The following MYOM1 variants were observed in gnomAD, a reference collection of about 807,000 sequenced individuals.
The protein encoded by MYOM1 is myomesin-1.
Under a neutral mutation model 205.3 loss-of-function variants are expected in MYOM1, and 164 were observed. The ratio of observed to expected loss-of-function variants is 0.80; its 90% CI spans 0.70 to 0.91. MYOM1 has a LOEUF of 0.91. MYOM1 is among the 40% of genes least tolerant of loss of function. The pLI, the probability that MYOM1 is intolerant of heterozygous loss-of-function variation, is 0.00. For missense variants in MYOM1, 2,011 were observed against 2,127.3 expected (o/e 0.95, Z 1.08); for synonymous variants, 772 against 789.4 (o/e 0.98, Z 0.37).
At chr18:3,197,728 C>G (rs1392108134) in intron 2 of MYOM1, among the ~76,000 whole-genome samples, 1 of 151,754 alleles carries the variant, frequency 6.6e-6, no homozygotes, top group Non-Finnish European at 1.5e-5. Flanking sequence ...AAAAAATTAG[C>G]TGGGCATGGT....
intron 14 of MYOM1, among the ~76,000 whole-genome samples, chr18:3,137,488 C>A (rs1186695915): frequency 6.6e-6 from 1 of 151,928 alleles, no homozygotes; most frequent in Non-Finnish European, 1.5e-5. Flanking sequence ...GTTATTCAGC[C>A]ACAAAAAAGA....
At chr18:3,151,464 AAAATAAAAT>A (rs869201434) in intron 12 of MYOM1, among the ~76,000 whole-genome samples, 10 of 134,728 alleles carry the variant, frequency 7.4e-5, no homozygotes, top group Non-Finnish European at 1.6e-4. Flanking sequence ...ATAATAAAAT[AAAATAAAAT>A]AAATAAAATA....
intron 21 of MYOM1, 106 bp from the exon 22 acceptor site, chr18:3,112,518 T>C: frequency 4.1e-6 from 3 of 734,676 alleles, no homozygotes; most frequent in South Asian, 2.6e-5. Flanking sequence ...TTTAGTGACC[T>C]AGCACCAGGG....
intron 13 of MYOM1, among the ~76,000 whole-genome samples, chr18:3,142,444 T>A (rs559736858): frequency 4.6e-5 from 7 of 151,748 alleles, no homozygotes; most frequent in Middle Eastern, 3.4e-3. Context: ...AAAAAAATAT[T>A]TTTTTTTGTA....
At chr18:3,144,885 C>T (rs1234087689) in intron 13 of MYOM1, among the ~76,000 whole-genome samples, 2 of 152,214 alleles carry the variant, frequency 1.3e-5, no homozygotes, top group Admixed American at 6.5e-5. Context: ...TATTTCATCA[C>T]TACTCTCTCA....
intron 2 of MYOM1, among the ~76,000 whole-genome samples, chr18:3,198,862 T>C (rs529589684): frequency 3.3e-5 from 5 of 151,880 alleles, no homozygotes; most frequent in Non-Finnish European, 4.4e-5. Context: ...TGGTTTCACA[T>C]CAGAATCAGC....
intron 10 of MYOM1, among the ~76,000 whole-genome samples, chr18:3,157,449 G>A (rs2144020202): frequency 1.3e-5 from 2 of 152,048 alleles, no homozygotes; most frequent in Middle Eastern, 3.4e-3. Context: ...CTAGCACTTT[G>A]GGTAGATCAC....
intron 19 of MYOM1, among the ~76,000 whole-genome samples, chr18:3,121,927 T>C (rs1400763723): frequency 6.6e-6 from 1 of 152,212 alleles, no homozygotes; most frequent in African/African-American, 2.4e-5. Context: ...GAGACCAGCC[T>C]GGCCAACATG....
At chr18:3,205,947 C>T (rs2081118967) in intron 2 of MYOM1, among the ~76,000 whole-genome samples, 2 of 152,136 alleles carry the variant, frequency 1.3e-5, no homozygotes, top group South Asian at 2.1e-4. Flanking sequence ...ATGTAAAACC[C>T]TTGTCTTCTG....
In MYOM1 at chr18:3,135,762, C is replaced by T. The variant is rs1357122608; in HGVS notation, c.2026-32G>A. 1.9e-6 allele frequency: 3 copies of T among 1,610,238 alleles called. No individual in the cohort carries two copies. Among genetic ancestry groups the T allele is most frequent in the Non-Finnish European group, 2.5e-6 (3 of 1,177,620 alleles). ...CAAGAACAGGGAAACCCATTGAAAG[C>T]ACAGCAAACACAAGCGAGAATCCAG... is the stretch of plus-strand genomic sequence containing the variant. On this transcript the variant is annotated intron_variant, in intron 14 of 37. Transcript: ENST00000356443. This position sits in a 1 kb window ranked among gnomAD's most constrained non-coding sequence, Gnocchi z 4.1.
intron 12 of MYOM1, among the ~76,000 whole-genome samples, chr18:3,149,671 C>T (rs1053600547): frequency 2.6e-5 from 4 of 152,098 alleles, no homozygotes; most frequent in African/African-American, 9.7e-5. Context: ...GCAAATTTTT[C>T]CCATTATATT....
intron 13 of MYOM1, among the ~76,000 whole-genome samples, chr18:3,148,728 C>G (rs1203128191): frequency 6.6e-6 from 1 of 150,876 alleles, no homozygotes; most frequent in Non-Finnish European, 1.5e-5. Context: ...CGCCTGTAGT[C>G]CCAGCTGCTC....
In MYOM1 at chr18:3,115,080, A is replaced by G. The variant is rs147336095; in HGVS notation, c.3303+1251T>C. On this transcript the variant is annotated intron_variant, in intron 21 of 37. Coordinates refer to ENST00000356443, the MANE Select transcript of MYOM1 (RefSeq NM_003803.4). ...TTGGAAATCTTCATCCCAGCCATAT[A>G]CACCCACCACCATCATCTAGGATGT... Among the ~76,000 whole-genome samples, 16 of 152,054 alleles carry G rather than the reference A, an allele frequency of 1.1e-4. No individual in the cohort carries two copies. The East Asian group carries it at 1.9e-3, about 18-fold the overall frequency.
intron 10 of MYOM1, among the ~76,000 whole-genome samples, chr18:3,158,777 C>A (rs1598732168): frequency 6.6e-6 from 1 of 151,964 alleles, no homozygotes; most frequent in East Asian, 1.9e-4. Context: ...CTATGCCCAG[C>A]TAATTTTTTT....
intron 9 of MYOM1, among the ~76,000 whole-genome samples, chr18:3,168,286 C>A (rs1567946566): frequency 7.9e-6 from 1 of 126,688 alleles, no homozygotes; most frequent in Non-Finnish European, 1.6e-5. Flanking sequence ...GATTAACTTA[C>A]AAAATGAATA....
At chr18:3,075,863 C>G (rs1403931025) in intron 34 of MYOM1, 102 bp from the exon 35 acceptor site, 9 of 1,021,426 alleles carry the variant, frequency 8.8e-6, no homozygotes, top group Non-Finnish European at 1.0e-5. Context: ...TCGGTCCAGA[C>G]ATGACTAAAC....
At chr18:3,120,114 T>A (rs908981500) in intron 19 of MYOM1, 119 bp from the exon 20 acceptor site, 2 of 1,316,266 alleles carry the variant, frequency 1.5e-6, no homozygotes, top group East Asian at 2.6e-5. Context: ...TGACCCTCAA[T>A]GAGTCACACC....
chr18:3,101,433 C>T (rs186354582), intron 23 of MYOM1, among the ~76,000 whole-genome samples: 44 of 152,282 alleles, frequency 2.9e-4, no homozygotes, highest in Admixed American at 3.9e-4. Context: ...CATACAATTC[C>T]TCCATTCTCC....
intron 5 of MYOM1, among the ~76,000 whole-genome samples, chr18:3,185,863 T>G (rs913625195): frequency 1.1e-4 from 16 of 152,104 alleles, no homozygotes; most frequent in African/African-American, 3.1e-4. Flanking sequence ...CAAAGACAGA[T>G]TAAGATTACA....
Sources: gnomAD v4.1 joint callset for allele counts (sites outside exome capture counted in the v4.1 genomes callset) on GRCh38, gnomAD v4.1.1 for gene constraint, Gnocchi (gnomAD v3.1) non-coding constraint, MANE v1.5 for transcripts, NCBI Gene and HGNC (gene_info 2026-07-23, HGNC 2026-07-21) for gene names.